Variants in MERTK observed in about 807,000 individuals in gnomAD.
The protein encoded by MERTK is tyrosine-protein kinase Mer.
Under a neutral mutation model 99.3 loss-of-function variants are expected in MERTK, and 69 were observed. The observed-to-expected ratio is 0.70, with a 90% CI of 0.57 to 0.85. MERTK has a LOEUF of 0.85. Ranked by LOEUF, MERTK falls within the 40% of genes least tolerant of loss-of-function variation. The pLI, the probability that MERTK is intolerant of heterozygous loss-of-function variation, is 0.00. For missense variants in MERTK, 1,125 were observed against 1,249.4 expected, an observed-to-expected ratio of 0.90 and a Z score of 1.50; for synonymous variants, 426 against 467.6, an observed-to-expected ratio of 0.91 and a Z score of 1.15.
At chr2:112,008,624 T>C in intron 14 of MERTK, 149 bp downstream of exon 14, 2 of 754,670 alleles carry the variant, frequency 2.7e-6, no homozygotes, top group South Asian at 2.8e-5. Flanking sequence ...CAGACTTTTC[T>C]TCATAATGAT....
At position 111,913,132 on chromosome 2, in the gene MERTK, T is replaced by A. The variant is rs921048497; in HGVS notation, c.61+14336T>A. 3 of 948,614 alleles carry A rather than the reference T, an allele frequency of 3.2e-6. No homozygotes were observed. In the African/African-American group the frequency reaches 5.3e-5, roughly 17 times the overall value. 58.8% of individuals were successfully genotyped at this position (948,614 alleles called of 1,614,324 possible). A position where few individuals can be genotyped will look rare whatever the true frequency, so the allele number is the denominator to read the frequency against. ...GTAGAAGATATTGAACATAGATTTG[T>A]AACATTGCTTAAAGGACCTCTATGC... On this transcript the variant is annotated intron_variant, in intron 1 of 18. Transcript: ENST00000295408.
intron 1 of MERTK, among the ~76,000 whole-genome samples, chr2:111,903,597 A>G (rs536495040): frequency 9.2e-5 from 14 of 152,370 alleles, no homozygotes; most frequent in African/African-American, 3.4e-4. Context: ...AACCCAAAGC[A>G]CATGGCTCTG....
At position 112,021,425 on chromosome 2, in the gene MERTK, G is replaced by A. The variant is rs146886088; in HGVS notation, c.2193G>A (p.Leu731=). The change falls in exon 17 of 19, where the codon TTG becomes TTA. Residue 731 remains leucine, a synonymous_variant. Transcript: ENST00000295408. The part of the protein sequence containing the change: ...HRDLAARNCM[L]RDDMTVCVAD... ...AGACGTAACCTGCTCTCTGTAGGTT[G>A]CGAGATGACATGACTGTCTGTGTTG... 8 of 1,613,204 alleles carry A rather than the reference G, an allele frequency of 5.0e-6. No homozygotes were observed. The highest frequency in any genetic ancestry group is 4.0e-5 in the African/African-American group (3 of 75,018).
At chr2:111,942,364 C>A (rs1684879548) in intron 2 of MERTK, among the ~76,000 whole-genome samples, 1 of 152,172 alleles carries the variant, frequency 6.6e-6, no homozygotes, top group African/African-American at 2.4e-5. Context: ...TGTGCAGGAT[C>A]TTCAGGAACT....
chr2:111,957,687 G>T (rs1048587938), intron 4 of MERTK, among the ~76,000 whole-genome samples: 1 of 152,170 alleles, frequency 6.6e-6, no homozygotes. Flanking sequence ...TGGAAAAAAT[G>T]TCTGGCTTGT....
chr2:111,948,273 G>A (rs1376765104), intron 4 of MERTK, among the ~76,000 whole-genome samples: 1 of 152,166 alleles, frequency 6.6e-6, no homozygotes, highest in East Asian at 1.9e-4. Flanking sequence ...TGGAAACACT[G>A]TCCTGGCTTC....
chr2:111,938,045 C>G (rs1487072830), intron 2 of MERTK, among the ~76,000 whole-genome samples: 1 of 151,950 alleles, frequency 6.6e-6, no homozygotes, highest in Non-Finnish European at 1.5e-5. Flanking sequence ...AGTAGAGTAA[C>G]CACTACTCTA....
chr2:112,019,263 ATAT>A, intron 15 of MERTK, 147 bp from the exon 16 acceptor site: 2 of 773,846 alleles, frequency 2.6e-6, no homozygotes, highest in Non-Finnish European at 4.7e-6. Flanking sequence ...CTTATTTGTG[ATAT>A]TAGTGATATG....
intron 6 of MERTK, among the ~76,000 whole-genome samples, chr2:111,970,770 CCCT>C (rs1400130921): frequency 1.1e-3 from 31 of 28,598 alleles, no homozygotes; most frequent in Non-Finnish European, 1.4e-3. Flanking sequence ...TCCTCCTCCT[CCCT>C]CCTCCTCCTC....
intron 1 of MERTK, among the ~76,000 whole-genome samples, chr2:111,903,174 A>G (rs533610524): frequency 3.3e-5 from 5 of 152,254 alleles, no homozygotes; most frequent in East Asian, 1.9e-4. Context: ...CTAACACAGC[A>G]TGGAGCTCAT....
At chr2:111,900,445 A>G (rs1215169917) in intron 1 of MERTK, among the ~76,000 whole-genome samples, 1 of 152,142 alleles carries the variant, frequency 6.6e-6, no homozygotes, top group Non-Finnish European at 1.5e-5. Context: ...CAAATCTGTT[A>G]TTTGTTGCTA....
chr2:111,963,167 A>G (rs1329746135), intron 4 of MERTK, among the ~76,000 whole-genome samples: 1 of 152,222 alleles, frequency 6.6e-6, no homozygotes, highest in Non-Finnish European at 1.5e-5. Context: ...ATATGCATAC[A>G]CATAAACATC....
At chr2:112,005,695 C>T (rs1435257758) in intron 13 of MERTK, among the ~76,000 whole-genome samples, 1 of 152,120 alleles carries the variant, frequency 6.6e-6, no homozygotes, top group Non-Finnish European at 1.5e-5. Context: ...ATTTGGTGCT[C>T]AGTTTGTCAA....
chr2:111,925,867 C>G (rs1434444905), intron 1 of MERTK, among the ~76,000 whole-genome samples: 1 of 149,862 alleles, frequency 6.7e-6, no homozygotes, highest in Non-Finnish European at 1.5e-5. Flanking sequence ...GAGTCTCGCT[C>G]TGTCCCCCAG....
Position 111,944,374 on chromosome 2 carries a change from C to T in MERTK, c.483-586C>T, listed in dbSNP as rs921574890. On this transcript the variant is annotated intron_variant, in intron 2 of 18. Transcript: ENST00000295408. The stretch of plus-strand genomic sequence containing the variant: ...TATTAGTCAGGGTTTTTCCAAGAAA[C>T]CGAACCTATAGGATCTGTGTCTACA... 2.1e-4 allele frequency among the ~76,000 whole-genome samples: 31 copies of T among 150,146 alleles called. 1 individual carries two copies. Among genetic ancestry groups the T allele is most frequent in the Admixed American group, 6.0e-4 (9 of 15,078 alleles).
intron 1 of MERTK, among the ~76,000 whole-genome samples, chr2:111,902,921 G>A (rs1475307442): frequency 6.6e-6 from 1 of 152,096 alleles, no homozygotes; most frequent in Non-Finnish European, 1.5e-5. Context: ...TGGGATTACA[G>A]GCACCTGCCA....
chr2:112,000,814 A>G (rs1260727603), intron 10 of MERTK, among the ~76,000 whole-genome samples: 1 of 152,190 alleles, frequency 6.6e-6, no homozygotes, highest in Non-Finnish European at 1.5e-5. Context: ...TACATAAAAT[A>G]TTTGGAATTC....
intron 1 of MERTK, among the ~76,000 whole-genome samples, chr2:111,899,333 G>A (rs528738564): frequency 1.3e-5 from 2 of 152,162 alleles, no homozygotes; most frequent in African/African-American, 2.4e-5. Flanking sequence ...GACGGGCCAG[G>A]GGGGGACGGC....
At chr2:111,992,158 C>G (rs797003223) in intron 8 of MERTK, among the ~76,000 whole-genome samples, 5 of 152,274 alleles carry the variant, frequency 3.3e-5, no homozygotes, top group African/African-American at 1.2e-4. Flanking sequence ...AGGAGCCACG[C>G]ACAGAGAGGC....
Sources: allele counts gnomAD v4.1 joint callset (sites outside exome capture counted in the v4.1 genomes callset), GRCh38; gene constraint gnomAD v4.1.1; transcripts MANE v1.5; gene names NCBI Gene and HGNC (gene_info 2026-07-23, HGNC 2026-07-21).